Variants in MCTP1 observed in about 807,000 individuals in gnomAD.
MCTP1 encodes the protein multiple C2 and transmembrane domain containing 1.
A neutral mutation model predicts 120.6 loss-of-function variants in MCTP1; 69 were observed. That is an observed-to-expected ratio of 0.57 (90% CI 0.47 to 0.70). The LOEUF (loss-of-function observed/expected upper bound fraction) is 0.70, where lower values mean the gene tolerates loss of function less well. Among genes scored for constraint, MCTP1 ranks in the 30% least tolerant of loss-of-function variants. The pLI is 0.00. For missense variants in MCTP1, 1,203 were observed against 1,248.8 expected (o/e 0.96, Z 0.55); for synonymous variants, 529 against 493.1 (o/e 1.07, Z -0.96).
chr5:94,721,939 G>A (rs1407162694), intron 19 of MCTP1, among the ~76,000 whole-genome samples: 1 of 149,292 alleles, frequency 6.7e-6, no homozygotes, highest in African/African-American at 2.5e-5. Flanking sequence ...CTGAGAATAT[G>A]TGAGATTTAT....
chr5:94,902,172 G>T (rs1805701065), intron 10 of MCTP1, among the ~76,000 whole-genome samples: 1 of 152,100 alleles, frequency 6.6e-6, no homozygotes, highest in Admixed American at 6.6e-5. Flanking sequence ...TCCCACCAAA[G>T]GAACTGTGGA....
At chr5:94,847,286 A>C (rs1792613281) in intron 17 of MCTP1, among the ~76,000 whole-genome samples, 1 of 152,182 alleles carries the variant, frequency 6.6e-6, no homozygotes, top group Non-Finnish European at 1.5e-5. Context: ...CGTTCTGACT[A>C]ATCAATGCAA....
At chr5:95,068,973 T>C (rs1300895630) in intron 1 of MCTP1, 116 of 224,918 alleles carry the variant, frequency 5.2e-4, no homozygotes, top group Non-Finnish European at 8.4e-4. Flanking sequence ...TTTTTTTTTT[T>C]CCTTTCCTGA....
intron 18 of MCTP1, among the ~76,000 whole-genome samples, chr5:94,781,396 G>A (rs1776549382): frequency 6.6e-6 from 1 of 152,118 alleles, no homozygotes; most frequent in Non-Finnish European, 1.5e-5. Context: ...GAGTGAACAG[G>A]TGAATGCATC....
chr5:95,261,793 A>G (rs1340450872), intron 1 of MCTP1, among the ~76,000 whole-genome samples: 1 of 152,216 alleles, frequency 6.6e-6, no homozygotes, highest in Non-Finnish European at 1.5e-5. Flanking sequence ...CATCTAGCCA[A>G]TTTATTGGGG....
At chr5:95,209,624 T>G (rs1214114969) in intron 1 of MCTP1, among the ~76,000 whole-genome samples, 1 of 152,292 alleles carries the variant, frequency 6.6e-6, no homozygotes, top group East Asian at 1.9e-4. Context: ...AACTGGATTA[T>G]TCTATGCTTC....
At chr5:95,103,135 A>G (rs1756859235) in intron 1 of MCTP1, among the ~76,000 whole-genome samples, 1 of 151,486 alleles carries the variant, frequency 6.6e-6, no homozygotes. Flanking sequence ...ATTTATTATT[A>G]TATTATTATT....
At chr5:94,879,811 G>T (rs1215444445) in intron 12 of MCTP1, among the ~76,000 whole-genome samples, 1 of 152,076 alleles carries the variant, frequency 6.6e-6, no homozygotes, top group Non-Finnish European at 1.5e-5. Flanking sequence ...GATCCCCAGA[G>T]GTTCCTGAAC....
intron 2 of MCTP1, among the ~76,000 whole-genome samples, chr5:94,978,717 T>C (rs961952516): frequency 2.0e-5 from 3 of 152,112 alleles, no homozygotes; most frequent in Admixed American, 2.0e-4. Context: ...GAATGGGGTG[T>C]TTCCAGTCAA....
At chr5:95,089,139 A>G (rs927139600) in intron 1 of MCTP1, among the ~76,000 whole-genome samples, 8 of 152,190 alleles carry the variant, frequency 5.3e-5, no homozygotes, top group Non-Finnish European at 1.0e-4. Context: ...ATAAAATACT[A>G]TAGGTCTGGA....
chr5:94,998,735 G>A (rs541772702), intron 2 of MCTP1, among the ~76,000 whole-genome samples: 16 of 152,168 alleles, frequency 1.1e-4, no homozygotes, highest in Middle Eastern at 6.8e-3. Context: ...ACTTTTTGAC[G>A]TACAGGGCCA....
At chr5:95,035,972 CA>C (rs984974115) in intron 1 of MCTP1, among the ~76,000 whole-genome samples, 11 of 151,946 alleles carry the variant, frequency 7.2e-5, no homozygotes, top group Non-Finnish European at 5.9e-5. Context: ...CCTATTTCAC[CA>C]AAATAGTATT....
intron 1 of MCTP1, among the ~76,000 whole-genome samples, chr5:95,279,870 TCTCA>T: frequency 6.6e-6 from 1 of 152,308 alleles, no homozygotes; most frequent in South Asian, 2.1e-4. Flanking sequence ...ATCTACCCTC[TCTCA>T]CTTTCAATAT....
At chr5:95,224,421 T>C (rs1173797900) in intron 1 of MCTP1, among the ~76,000 whole-genome samples, 1 of 152,084 alleles carries the variant, frequency 6.6e-6, no homozygotes, top group African/African-American at 2.4e-5. Flanking sequence ...AAAGAATCAG[T>C]CCACCATCCA....
At chr5:95,061,354 G>GTTTTTT (rs996635002) in intron 1 of MCTP1, among the ~76,000 whole-genome samples, 1 of 107,346 alleles carries the variant, frequency 9.3e-6, no homozygotes, top group Admixed American at 9.4e-5. Flanking sequence ...CTTTATACAT[G>GTTTTTT]TTTTTTTTTG....
In MCTP1 at chr5:95,041,030, G is replaced by A. The variant is rs138929372; in HGVS notation, c.721-23546C>T. Among the ~76,000 whole-genome samples, 7 of 152,162 alleles carry A rather than the reference G, an allele frequency of 4.6e-5. No homozygotes were observed. In the East Asian group the frequency reaches 1.4e-3, roughly 29 times the overall value. ...ATTGAGTTAGCCTCTGGATTTTCTG[G>A]TTATAGGATCCAATAGATTCCCTTT... On this transcript the variant is annotated intron_variant, in intron 1 of 22. Transcript: ENST00000515393.
intron 2 of MCTP1, among the ~76,000 whole-genome samples, chr5:95,016,719 A>C (rs1330871192): frequency 6.6e-6 from 1 of 152,070 alleles, no homozygotes; most frequent in African/African-American, 2.4e-5. Context: ...TATACAGCCT[A>C]TCTGGGGTCT....
At chr5:95,122,997 G>A (rs1758349281) in intron 1 of MCTP1, among the ~76,000 whole-genome samples, 1 of 152,200 alleles carries the variant, frequency 6.6e-6, no homozygotes, top group Non-Finnish European at 1.5e-5. Context: ...GGGGAGATGA[G>A]AAGAAAGTGC....
chr5:95,159,923 T>C (rs937996203), intron 1 of MCTP1, among the ~76,000 whole-genome samples: 3 of 152,026 alleles, frequency 2.0e-5, no homozygotes, highest in African/African-American at 4.8e-5. Context: ...TGGTAAACCA[T>C]ATGCAAAAGA....
Sources: allele counts gnomAD v4.1 joint callset (sites outside exome capture counted in the v4.1 genomes callset), GRCh38; gene constraint gnomAD v4.1.1; transcripts MANE v1.5; gene names NCBI Gene and HGNC (gene_info 2026-07-23, HGNC 2026-07-21).